The following ZC3H18 variants were observed in gnomAD, a reference collection of about 807,000 sequenced individuals.
ZC3H18 encodes the protein zinc finger CCCH domain-containing protein 18.
In ZC3H18, 8 loss-of-function variants were observed where a neutral mutation model predicts 106.1. That is an observed-to-expected ratio of 0.08 (90% CI 0.04 to 0.14). The LOEUF is 0.14. Among genes scored for constraint, ZC3H18 ranks in the 10% least tolerant of loss-of-function variants. The probability of loss-of-function intolerance (pLI) is 1.00; values close to 1 mark genes in which losing one functional copy is unlikely to be tolerated. For missense variants in ZC3H18, 1,318 were observed against 1,278.4 expected (o/e 1.03, Z -0.47); for synonymous variants, 635 against 522.1 (o/e 1.22, Z -2.95).
intron 2 of ZC3H18, among the ~76,000 whole-genome samples, chr16:88,585,416 ATGGGCCTGCCCTGGCAGACG>A (rs1188796545): frequency 3.9e-5 from 6 of 152,320 alleles, no homozygotes; most frequent in South Asian, 4.1e-4. Context: ...CAACTTGGCG[ATGGGCCTGCCCTGGCAGACG>A]TGGGCCTGCC....
intron 2 of ZC3H18, among the ~76,000 whole-genome samples, chr16:88,586,046 C>T (rs1302204971): frequency 1.3e-5 from 2 of 151,986 alleles, no homozygotes; most frequent in African/African-American, 2.4e-5. Flanking sequence ...GCTGTGCACC[C>T]GAGTCCCTGT....
At chr16:88,598,140 C>T (rs1251656167) in intron 3 of ZC3H18, 38 bp from the exon 4 acceptor site, 99 of 1,332,852 alleles carry the variant, frequency 7.4e-5, no homozygotes, top group Non-Finnish European at 9.4e-5. Flanking sequence ...CAATTAGGCT[C>T]TTGTGGACCC....
intron 10 of ZC3H18, 79 bp from the exon 11 acceptor site, chr16:88,623,879 C>T: frequency 6.6e-6 from 10 of 1,526,646 alleles, no homozygotes; most frequent in Non-Finnish European, 8.8e-6. Flanking sequence ...CTCCATGGGT[C>T]TGGGTGGGTC....
intron 2 of ZC3H18, among the ~76,000 whole-genome samples, chr16:88,579,547 G>T (rs72809424): frequency 0.14 from 20,626 of 152,178 alleles, 1,444 homozygotes; most frequent in East Asian, 0.24. Context: ...CCATGGGCGC[G>T]GGCGGTGCGG....
At chr16:88,613,004 A>C (rs2142756381) in intron 8 of ZC3H18, among the ~76,000 whole-genome samples, 1 of 152,290 alleles carries the variant, frequency 6.6e-6, no homozygotes, top group South Asian at 2.1e-4. Context: ...TTCTGTCTCA[A>C]AATAAAAAGA....
At chr16:88,580,020 C>T (rs897385561) in intron 2 of ZC3H18, among the ~76,000 whole-genome samples, 8 of 152,126 alleles carry the variant, frequency 5.3e-5, no homozygotes, top group African/African-American at 1.9e-4. Context: ...TTGCTTGCCC[C>T]AGGAGCCCCC....
At chr16:88,610,189 G>GTT (rs1184667506) in intron 7 of ZC3H18, among the ~76,000 whole-genome samples, 2 of 152,226 alleles carry the variant, frequency 1.3e-5, no homozygotes, top group Non-Finnish European at 2.9e-5. Flanking sequence ...GCTTCAGACT[G>GTT]TGAGTTCCTC....
intron 11 of ZC3H18, chr16:88,624,330 T>C: frequency 3.1e-6 from 2 of 651,262 alleles, no homozygotes; most frequent in Non-Finnish European, 5.2e-6. Context: ...TCTTAAGGGG[T>C]CTTCCTATTA....
intron 2 of ZC3H18, among the ~76,000 whole-genome samples, chr16:88,584,488 G>C (rs990684715): frequency 6.6e-6 from 1 of 151,950 alleles, no homozygotes; most frequent in Non-Finnish European, 1.5e-5. Context: ...ATGGTGGTTA[G>C]TTGAAAATTC....
chr16:88,624,982 G>A (rs999642237), intron 12 of ZC3H18, among the ~76,000 whole-genome samples: 4 of 152,194 alleles, frequency 2.6e-5, no homozygotes, highest in South Asian at 2.1e-4. Flanking sequence ...AGGCCTTCCC[G>A]CCATGGCCCC....
Position 88,611,488 on chromosome 16 carries a change from G to A in ZC3H18, c.1427G>A (p.Arg476Gln), listed in dbSNP as rs1034116124. 12 of 1,550,602 alleles carry A rather than the reference G, an allele frequency of 7.7e-6. No individual in the cohort carries two copies. The highest frequency in any genetic ancestry group is 2.4e-5 in the South Asian group (2 of 84,026). The change falls in exon 8 of 18, where the codon CGG becomes CAG. Residue 476 changes from arginine to glutamine, a missense_variant. Physicochemically the swap from Arg to Gln is conservative, Grantham distance 43 (BLOSUM62 1). This residue lies in a region of ZC3H18 where 848 missense variants were observed against 821.7 expected (regional missense o/e 1.03). Transcript: ENST00000301011. ...CGTGACCGCGACCGGGAGAAGGAGC[G>A]GGAGAAGGAGAAGGGGAAGCCCAAG... ...QHRDRDREKE[R>Q]EKEKGKPKPR... is the part of the protein sequence containing the mutation.
intron 3 of ZC3H18, among the ~76,000 whole-genome samples, chr16:88,595,779 C>T (rs1445444629): frequency 6.7e-6 from 1 of 149,550 alleles, no homozygotes; most frequent in African/African-American, 2.5e-5. Context: ...GCACTCCAGC[C>T]TGGGCAACAG....
chr16:88,619,294 A>G (rs984142000), intron 8 of ZC3H18, among the ~76,000 whole-genome samples: 2 of 152,192 alleles, frequency 1.3e-5, no homozygotes, highest in Non-Finnish European at 2.9e-5. Flanking sequence ...AAAAAGGAAA[A>G]AAATGGTTAT....
At chr16:88,587,115 G>C (rs377073816) in intron 3 of ZC3H18, among the ~76,000 whole-genome samples, 1 of 152,328 alleles carries the variant, frequency 6.6e-6, no homozygotes, top group African/African-American at 2.4e-5. Context: ...GCGTTTGTTC[G>C]TGTGGAATGG....
In ZC3H18 at chr16:88,631,851, A is replaced by G. The variant is rs1023722781; in HGVS notation, c.*552A>G. 3.3e-6 allele frequency: 1 copy of G among 299,742 alleles called. No individual in the cohort carries two copies. The highest frequency in any genetic ancestry group is 6.5e-6 in the Non-Finnish European group (1 of 153,090). 18.6% of individuals were successfully genotyped at this position (299,742 alleles called of 1,614,324 possible). On this transcript the variant is annotated 3_prime_UTR_variant, in exon 18 of 18. Transcript: ENST00000301011. ...ATCAAATTGTTTTAGTTGATTTAAAAAGGAAAAAATACAGAAAAGACCAAA... is the reference window on the plus strand; with the variant it reads ...ATCAAATTGTTTTAGTTGATTTAAAGAGGAAAAAATACAGAAAAGACCAAA...
chr16:88,605,334 T>A (rs1904959660), intron 6 of ZC3H18, among the ~76,000 whole-genome samples: 1 of 152,206 alleles, frequency 6.6e-6, no homozygotes, highest in African/African-American at 2.4e-5. Flanking sequence ...TTTGGGGACC[T>A]CCTCCCCTGC....
intron 6 of ZC3H18, among the ~76,000 whole-genome samples, chr16:88,606,921 A>C (rs142481191): frequency 4.1e-4 from 63 of 152,198 alleles, no homozygotes; most frequent in African/African-American, 1.4e-3. Context: ...TCAGGTTCCC[A>C]CCCAGTCTAC....
intron 3 of ZC3H18, among the ~76,000 whole-genome samples, chr16:88,595,748 A>G (rs999895077): frequency 6.6e-6 from 1 of 151,516 alleles, no homozygotes; most frequent in Non-Finnish European, 1.5e-5. Flanking sequence ...AGAGGTTGCA[A>G]TGAGCCTAGG....
intron 8 of ZC3H18, among the ~76,000 whole-genome samples, chr16:88,613,460 C>T (rs190340214): frequency 1.1e-4 from 17 of 152,274 alleles, no homozygotes; most frequent in Admixed American, 8.5e-4. Context: ...TACATTCCCG[C>T]TAGCCGCATA....
Sources: gnomAD v4.1 joint callset for allele counts (sites outside exome capture counted in the v4.1 genomes callset) on GRCh38, gnomAD v4.1.1 for gene constraint, gnomAD v4.1.1 regional missense constraint, MANE v1.5 for transcripts, NCBI Gene and HGNC (gene_info 2026-07-23, HGNC 2026-07-21) for gene names.